Variants in EXTL3 observed in about 807,000 individuals in gnomAD.
EXTL3 encodes exostosin-like 3.
In EXTL3, 27 loss-of-function variants were observed where a neutral mutation model predicts 69.3. That is an observed-to-expected ratio of 0.39 (90% CI 0.29 to 0.54). The LOEUF (loss-of-function observed/expected upper bound fraction) is 0.54, where lower values mean the gene tolerates loss of function less well. Ranked by LOEUF, EXTL3 falls within the 20% of genes least tolerant of loss-of-function variation. The pLI, the probability that EXTL3 is intolerant of heterozygous loss-of-function variation, is 0.69. For synonymous variants in EXTL3, 511 were observed against 499.4 expected (o/e 1.02, Z -0.31); for missense variants, 1,003 against 1,231.8 (o/e 0.81, Z 2.78).
chr8:28,663,274 C>G (rs1807144660), intron 1 of EXTL3, among the ~76,000 whole-genome samples: 1 of 152,106 alleles, frequency 6.6e-6, no homozygotes, highest in Non-Finnish European at 1.5e-5. Flanking sequence ...GGGGTGTCCT[C>G]TTCTTTTTAT....
rs909372267 is a variant in EXTL3, at chr8:28,694,507, C to T, written c.-52-18950C>T. Among the ~76,000 whole-genome samples, 5 of 152,334 alleles carry T rather than the reference C, an allele frequency of 3.3e-5. No homozygotes were observed. The South Asian group carries it at 1.0e-3, about 32-fold the overall frequency. ...TCTCTTGCACCACAGCGGAGCACAGCTGGTAAAGTTTCAGGCTCTGGAGTT... is the reference window on the plus strand; with the variant it reads ...TCTCTTGCACCACAGCGGAGCACAGTTGGTAAAGTTTCAGGCTCTGGAGTT... On this transcript the variant is annotated intron_variant, in intron 1 of 6. Transcript: ENST00000523149.
intron 1 of EXTL3, among the ~76,000 whole-genome samples, chr8:28,650,992 G>A (rs1307497356): frequency 2.0e-5 from 3 of 152,034 alleles, no homozygotes; most frequent in Non-Finnish European, 2.9e-5. Context: ...GACCAGAAGT[G>A]TTTCAAATTT....
chr8:28,667,991 A>G (rs114815614), intron 1 of EXTL3, among the ~76,000 whole-genome samples: 3,346 of 152,142 alleles, frequency 0.022, 128 homozygotes, highest in African/African-American at 0.076. Context: ...GGGCAAGCTC[A>G]GTGACTCACG....
chr8:28,713,267 AAT>A (rs1248012223), intron 1 of EXTL3, among the ~76,000 whole-genome samples, 188 bp from the exon 2 acceptor site: 1 of 152,194 alleles, frequency 6.6e-6, no homozygotes, highest in Non-Finnish European at 1.5e-5. Flanking sequence ...TGTATTTATT[AAT>A]AGTCTCCCTT....
chr8:28,705,774 T>C (rs946384603), intron 1 of EXTL3, among the ~76,000 whole-genome samples: 1 of 152,212 alleles, frequency 6.6e-6, no homozygotes, highest in Non-Finnish European at 1.5e-5. Context: ...GAGAATAAGT[T>C]AGCAAAATCC....
At chr8:28,702,089 G>C (rs1800816362) in intron 1 of EXTL3, among the ~76,000 whole-genome samples, 1 of 152,198 alleles carries the variant, frequency 6.6e-6, no homozygotes, top group Admixed American at 6.5e-5. Context: ...TGCTGGCCCG[G>C]AGCATCTTCT....
At chr8:28,667,371 G>C (rs908123020) in intron 1 of EXTL3, among the ~76,000 whole-genome samples, 10 of 152,200 alleles carry the variant, frequency 6.6e-5, no homozygotes, top group Admixed American at 2.6e-4. Flanking sequence ...AGAGCATTCA[G>C]AGGAGCCTGA....
rs1377132108 is a variant in EXTL3, at chr8:28,671,025, G to A, written c.-52-42432G>A. Among the ~76,000 whole-genome samples the A allele has an allele frequency of 2.6e-5, 4 of 151,300 alleles. No individual in the cohort carries two copies. The East Asian group carries it at 7.7e-4, about 29-fold the overall frequency. ...AGACGGAGTCTTGCTCTGTCACCTA[G>A]GCTGGAGTGCAGTGGCACAATCTTG... On this transcript the variant is annotated intron_variant, in intron 1 of 6. Transcript: ENST00000523149.
chr8:28,627,423 G>T (rs148838970), intron 1 of EXTL3, among the ~76,000 whole-genome samples: 14 of 151,450 alleles, frequency 9.2e-5, no homozygotes, highest in African/African-American at 3.4e-4. Context: ...AGCTGAGGAG[G>T]TAGAGAGAGG....
At chr8:28,713,789 T>G (rs1801079265) in intron 2 of EXTL3, among the ~76,000 whole-genome samples, 1 of 152,198 alleles carries the variant, frequency 6.6e-6, no homozygotes, top group Non-Finnish European at 1.5e-5. Flanking sequence ...TCATCAACTT[T>G]AGGTCTGATG....
intron 1 of EXTL3, among the ~76,000 whole-genome samples, chr8:28,704,101 T>G (rs561720442): frequency 2.0e-5 from 3 of 152,164 alleles, no homozygotes; most frequent in Non-Finnish European, 4.4e-5. Context: ...GTGATGTTAC[T>G]AGGGAGAAGA....
intron 2 of EXTL3, among the ~76,000 whole-genome samples, chr8:28,609,673 G>C (rs1806246299): frequency 6.6e-6 from 1 of 151,884 alleles, no homozygotes; most frequent in South Asian, 2.1e-4. Context: ...ATCTCTGGTG[G>C]AGCCCAGGAG....
Position 28,750,563 on chromosome 8 carries a change from C to A in EXTL3, c.2551-94C>A. 9.5e-7 allele frequency: 1 copy of A among 1,057,468 alleles called. No individual in the cohort carries two copies. Among genetic ancestry groups the A allele is most frequent in the Non-Finnish European group, 1.5e-6 (1 of 686,736 alleles). The allele number at this position is 1,057,468 out of a possible 1,614,324, so 65.5% of individuals were successfully genotyped here. A position where few individuals can be genotyped will look rare whatever the true frequency, so the allele number is the denominator to read the frequency against. ...TTGCCCCTGAGGGGATCAGCGTCTT[C>A]ACCATGGACATGGGAGTGTGGGATC... On this transcript the variant is annotated intron_variant, in intron 6 of 6. Coordinates refer to ENST00000220562, the MANE Select transcript of EXTL3 (RefSeq NM_001440.4). The surrounding 1 kb of genome is among the most constrained non-coding windows in gnomAD (Gnocchi z 5.2).
intron 1 of EXTL3, among the ~76,000 whole-genome samples, chr8:28,645,338 CA>C (rs1351309885): frequency 2.0e-5 from 3 of 152,208 alleles, no homozygotes; most frequent in African/African-American, 7.2e-5. Flanking sequence ...TTAGGTCTAA[CA>C]TGTTCATCTC....
chr8:28,673,032 T>C (rs1232514521), intron 1 of EXTL3, among the ~76,000 whole-genome samples: 1 of 152,244 alleles, frequency 6.6e-6, no homozygotes, highest in Non-Finnish European at 1.5e-5. Context: ...TCCACCACGA[T>C]TGTGAGGCCT....
At chr8:28,628,235 G>A (rs1213565647) in intron 1 of EXTL3, among the ~76,000 whole-genome samples, 1 of 152,174 alleles carries the variant, frequency 6.6e-6, no homozygotes, top group Non-Finnish European at 1.5e-5. Context: ...GGTGGCACGA[G>A]CCTCTAATTC....
intron 1 of EXTL3, among the ~76,000 whole-genome samples, chr8:28,671,391 C>G (rs1196281484): frequency 6.9e-6 from 1 of 144,808 alleles, no homozygotes; most frequent in African/African-American, 2.6e-5. Flanking sequence ...TGCTCACTCT[C>G]TCCTCCGCAA....
chr8:28,715,747 T>C lies in EXTL3; in HGVS notation c.-313T>C, dbSNP rs1192346364. 1 of 387,400 alleles carries C rather than the reference T, an allele frequency of 2.6e-6. No individual in the cohort carries two copies. The highest frequency in any genetic ancestry group is 4.7e-6 in the Non-Finnish European group (1 of 213,236). 24.0% of individuals were successfully genotyped at this position (387,400 alleles called of 1,614,324 possible). A position where few individuals can be genotyped will look rare whatever the true frequency, so the allele number is the denominator to read the frequency against. On this transcript the variant is annotated 5_prime_UTR_variant, in exon 3 of 7. Coordinates refer to ENST00000220562, the MANE Select transcript of EXTL3 (RefSeq NM_001440.4). Reference sequence around the variant, plus strand: ...AGTCTGTCTGATTCCAGGGTGTTTTTCCTGGGTTTCATCATCAGGTACCTC... The same window carrying C: ...AGTCTGTCTGATTCCAGGGTGTTTTCCCTGGGTTTCATCATCAGGTACCTC...
At chr8:28,660,865 T>TG (rs1807100175) in intron 1 of EXTL3, among the ~76,000 whole-genome samples, 1 of 86,056 alleles carries the variant, frequency 1.2e-5, no homozygotes, top group Non-Finnish European at 2.4e-5. Context: ...TTTTTTTTTT[T>TG]GCTATTGCTA....
Sources: gnomAD v4.1 joint callset for allele counts (sites outside exome capture counted in the v4.1 genomes callset) on GRCh38, gnomAD v4.1.1 for gene constraint, Gnocchi (gnomAD v3.1) non-coding constraint, MANE v1.5 for transcripts, NCBI Gene and HGNC (gene_info 2026-07-23, HGNC 2026-07-21) for gene names.